Variants in PCDHA13 observed in about 807,000 individuals in gnomAD.
The protein encoded by PCDHA13 is protocadherin alpha 13, also known as protocadherin alpha-13.
PCDHA13 carries 54 observed loss-of-function variants against 64.8 expected under a neutral mutation model. The observed-to-expected ratio is 0.83, with a 90% confidence interval of 0.67 to 1.04. The LOEUF (loss-of-function observed/expected upper bound fraction) is 1.04, where lower values mean the gene tolerates loss of function less well. Among genes scored for constraint, PCDHA13 ranks in the 50% least tolerant of loss-of-function variants. The pLI is 0.00. For synonymous variants in PCDHA13, 587 were observed against 564.4 expected, an observed-to-expected ratio of 1.04 and a Z score of -0.57; for missense variants, 1,248 against 1,254.3, an observed-to-expected ratio of 0.99 and a Z score of 0.08.
Position 140,883,528 on chromosome 5 carries a change from C to T in PCDHA13, c.1260C>T (p.Ala420=). 6.2e-7 allele frequency: 1 copy of T among 1,614,248 alleles called. No homozygotes were observed. The highest frequency in any genetic ancestry group is 1.1e-5 in the South Asian group (1 of 91,086). The stretch of plus-strand genomic sequence containing the variant: ...CCCTGGACCGCGAGAGCGTATCAGC[C>T]TATGAACTGGTGGTGACCGCGCGGG... ...DSALDRESVS[A]YELVVTARDG... The change falls in exon 1 of 4, where the codon GCC becomes GCT. Residue 420 remains alanine (A), a synonymous_variant. Coordinates refer to ENST00000289272, the MANE Select transcript of PCDHA13 (RefSeq NM_018904.3).
intron 1 of PCDHA13, among the ~76,000 whole-genome samples, chr5:140,900,051 C>G (rs1489382607): frequency 6.6e-6 from 1 of 152,168 alleles, no homozygotes; most frequent in African/African-American, 2.4e-5. Flanking sequence ...CTCAAGTGAT[C>G]CTTTAACCTC....
chr5:141,008,323 A>C lies in PCDHA13; in HGVS notation c.2543-1304A>C, dbSNP rs2098370005. ...CCCTAAACTGTAATTGAACATAAACAGTTTATTTGATGGAGCTTTTCACGT... is the reference window on the plus strand; with the variant it reads ...CCCTAAACTGTAATTGAACATAAACCGTTTATTTGATGGAGCTTTTCACGT... On this transcript the variant is annotated intron_variant, in intron 3 of 3. Transcript: ENST00000289272. 2.0e-5 allele frequency among the ~76,000 whole-genome samples: 3 copies of C among 152,242 alleles called. No individual in the cohort carries two copies. The South Asian group carries it at 6.2e-4, about 32-fold the overall frequency.
chr5:140,918,445 A>G (rs2078702084), intron 1 of PCDHA13, among the ~76,000 whole-genome samples: 1 of 152,144 alleles, frequency 6.6e-6, no homozygotes, highest in African/African-American at 2.4e-5. Context: ...GAGTGGTGAC[A>G]GTGGGCATCC....
chr5:140,941,227 C>CTT (rs797022976), intron 1 of PCDHA13, among the ~76,000 whole-genome samples: 1 of 136,000 alleles, frequency 7.4e-6, no homozygotes, highest in African/African-American at 2.8e-5. Context: ...TTCTTTCTTT[C>CTT]TTTCTTTCTT....
At chr5:140,968,124 G>T (rs202202452) in intron 1 of PCDHA13, 1 of 1,614,126 alleles carries the variant, frequency 6.2e-7, no homozygotes, top group Non-Finnish European at 8.5e-7. Flanking sequence ...ACATCCCTGC[G>T]TACACTGAAG....
intron 3 of PCDHA13, among the ~76,000 whole-genome samples, chr5:140,989,404 A>G (rs2097341135): frequency 6.6e-6 from 1 of 152,134 alleles, no homozygotes; most frequent in Non-Finnish European, 1.5e-5. Flanking sequence ...GAGGGTGGAG[A>G]GTCTGCACTT....
At chr5:140,966,811 G>T (rs377370256) in intron 1 of PCDHA13, 6 of 1,549,722 alleles carry the variant, frequency 3.9e-6, no homozygotes, top group African/African-American at 1.4e-5. Context: ...AGCATCCACG[G>T]CTCCGGCGGC....
intron 1 of PCDHA13, chr5:140,928,706 A>T: frequency 6.2e-7 from 1 of 1,613,858 alleles, no homozygotes; most frequent in Non-Finnish European, 8.5e-7. Flanking sequence ...CGGGCGTCTG[A>T]CTCTAGTCTC....
intron 1 of PCDHA13, chr5:140,967,981 G>A (rs1192553799): frequency 4.3e-6 from 7 of 1,614,084 alleles, no homozygotes; most frequent in African/African-American, 1.3e-5. Flanking sequence ...TGGGTCTGGA[G>A]GCCACACTGC....
intron 3 of PCDHA13, among the ~76,000 whole-genome samples, chr5:141,002,059 G>T (rs983772482): frequency 6.6e-6 from 1 of 152,242 alleles, no homozygotes; most frequent in East Asian, 1.9e-4. Flanking sequence ...AGAGGCAGCA[G>T]CAGCCGCCAG....
At chr5:140,896,811 T>G (rs2065758053) in intron 1 of PCDHA13, among the ~76,000 whole-genome samples, 1 of 152,266 alleles carries the variant, frequency 6.6e-6, no homozygotes, top group African/African-American at 2.4e-5. Flanking sequence ...GGTTGTCTGT[T>G]TACTCTGTTC....
intron 1 of PCDHA13, among the ~76,000 whole-genome samples, chr5:140,970,970 T>C (rs1554232920): frequency 1.3e-5 from 2 of 152,170 alleles, no homozygotes; most frequent in African/African-American, 2.4e-5. Flanking sequence ...GATTGTAGAT[T>C]AAGAAAAATG....
intron 3 of PCDHA13, among the ~76,000 whole-genome samples, chr5:140,998,369 C>T (rs530777656): frequency 1.3e-5 from 2 of 152,210 alleles, no homozygotes; most frequent in South Asian, 2.1e-4. Context: ...CTGCACACAC[C>T]GTCTCTAGAA....
chr5:140,896,283 T>TG (rs1440417603), intron 1 of PCDHA13, among the ~76,000 whole-genome samples: 4 of 152,258 alleles, frequency 2.6e-5, no homozygotes, highest in Admixed American at 6.5e-5. Context: ...CTGGCTTGAA[T>TG]GGTAAGTTCT....
At chr5:140,946,477 T>C (rs1223421073) in intron 1 of PCDHA13, among the ~76,000 whole-genome samples, 2 of 151,720 alleles carry the variant, frequency 1.3e-5, no homozygotes, top group Non-Finnish European at 2.9e-5. Flanking sequence ...ACTGGGTATA[T>C]ATCCAAAGGA....
In PCDHA13 at chr5:140,940,501, C is replaced by T. The variant is rs542798581; in HGVS notation, c.2395-38448C>T. Among the ~76,000 whole-genome samples, 272 of 152,010 alleles carry T rather than the reference C, an allele frequency of 1.8e-3. 2 individuals are homozygous for T. The highest frequency in any genetic ancestry group is 6.1e-3 in the African/African-American group (254 of 41,464). Reference sequence around the variant, plus strand: ...TTTTTCAAGACAAGTCTTGCTCCGTCGCTCAGGCGTGATCATAGCTCACTG... The same window carrying T: ...TTTTTCAAGACAAGTCTTGCTCCGTTGCTCAGGCGTGATCATAGCTCACTG... On this transcript the variant is annotated intron_variant, in intron 1 of 3. Coordinates refer to ENST00000289272, the MANE Select transcript of PCDHA13 (RefSeq NM_018904.3).
chr5:140,898,670 C>T (rs574817267), intron 1 of PCDHA13, among the ~76,000 whole-genome samples: 20 of 152,200 alleles, frequency 1.3e-4, no homozygotes, highest in South Asian at 6.2e-4. Context: ...CTTGGTGTTG[C>T]GGGCTGTTTT....
chr5:140,891,708 C>A (rs1422243783), intron 1 of PCDHA13, among the ~76,000 whole-genome samples: 1 of 152,182 alleles, frequency 6.6e-6, no homozygotes, highest in Middle Eastern at 3.4e-3. Flanking sequence ...TGAATTTGTA[C>A]CCCCAAATTC....
intron 1 of PCDHA13, among the ~76,000 whole-genome samples, chr5:140,949,414 C>G (rs887325816): frequency 6.6e-6 from 1 of 151,940 alleles, no homozygotes; most frequent in Non-Finnish European, 1.5e-5. Context: ...CACCTATCAT[C>G]ATTGTGTTTA....
Sources: allele counts gnomAD v4.1 joint callset (sites outside exome capture counted in the v4.1 genomes callset), GRCh38; gene constraint gnomAD v4.1.1; transcripts MANE v1.5; gene names NCBI Gene and HGNC (gene_info 2026-07-23, HGNC 2026-07-21).